Variants in CDHR3 observed in about 807,000 individuals in gnomAD.
CDHR3 encodes the protein cadherin related family member 3, also known as cadherin-related family member 3.
A neutral mutation model predicts 86.6 loss-of-function variants in CDHR3; 79 were observed. The ratio of observed to expected loss-of-function variants is 0.91; its 90% confidence interval spans 0.76 to 1.10. CDHR3 has a LOEUF of 1.10. Among genes scored for constraint, CDHR3 ranks in the 50% least tolerant of loss-of-function variants. CDHR3 has a pLI of 0.00. For missense variants in CDHR3, 1,081 were observed against 1,077.6 expected (o/e 1.00, Z -0.04); for synonymous variants, 421 against 402.4 (o/e 1.05, Z -0.55).
chr7:106,001,872 G>T (rs889479488), intron 7 of CDHR3, among the ~76,000 whole-genome samples: 5 of 152,144 alleles, frequency 3.3e-5, no homozygotes, highest in Non-Finnish European at 7.3e-5. Context: ...ATTGTTTAGG[G>T]AATAATGACA....
intron 14 of CDHR3, 74 bp from the exon 15 acceptor site, chr7:106,024,307 T>G: frequency 1.5e-6 from 2 of 1,319,766 alleles, no homozygotes; most frequent in Admixed American, 1.9e-5. Context: ...GAATAAACAC[T>G]CAACACGAGA....
chr7:106,026,634 G>A (rs775896438), intron 15 of CDHR3, 48 bp from the exon 16 acceptor site: 11 of 1,606,334 alleles, frequency 6.8e-6, no homozygotes, highest in Non-Finnish European at 8.5e-6. Context: ...GTGTGCCAGT[G>A]CAGCATACTT....
At chr7:106,028,916 T>TTTTCTTTCTTTCTTTCTTTCTTTTTTTC (rs1837802682) in intron 17 of CDHR3, among the ~76,000 whole-genome samples, 7 of 82,998 alleles carry the variant, frequency 8.4e-5, no homozygotes, top group African/African-American at 3.0e-4. Context: ...GAGATTTAAA[T>TTTTCTTTCTTTCTTTCTTTCTTTTTTTC]TTTCTTTCTT....
At chr7:105,978,514 G>A (rs1019270109) in intron 2 of CDHR3, among the ~76,000 whole-genome samples, 1 of 152,090 alleles carries the variant, frequency 6.6e-6, no homozygotes, top group Non-Finnish European at 1.5e-5. Context: ...CTGTAGCAAG[G>A]TTGCCCACAA....
intron 2 of CDHR3, among the ~76,000 whole-genome samples, chr7:105,975,435 C>A (rs1828657713): frequency 6.6e-6 from 1 of 152,164 alleles, no homozygotes; most frequent in Admixed American, 6.5e-5. Flanking sequence ...ATTCTGCTTT[C>A]CTATGAGTCT....
rs1838620284 is a variant in CDHR3 at position 106,033,109 on chromosome 7, A to G, written c.*412A>G. ...CACCTTATTTTCCTGCCCTCGTTTT[A>G]ACATCACCCAGATTTCTTCAGTTAT... On this transcript the variant is annotated 3_prime_UTR_variant, in exon 19 of 19. Transcript: ENST00000317716. The G allele has an allele frequency of 5.9e-6, 1 of 169,468 alleles. No homozygotes were observed. The allele number at this position is 169,468 out of a possible 1,614,324, so 10.5% of individuals were successfully genotyped here.
intron 14 of CDHR3, 24 bp from the exon 15 acceptor site, chr7:106,024,357 C>T (rs1204709793): frequency 1.2e-6 from 2 of 1,609,282 alleles, no homozygotes; most frequent in Non-Finnish European, 1.7e-6. Flanking sequence ...CTCTACTCAC[C>T]CTCCCTGCTC....
At chr7:106,000,693 G>T (rs1029610179) in intron 6 of CDHR3, among the ~76,000 whole-genome samples, 6 of 152,214 alleles carry the variant, frequency 3.9e-5, no homozygotes, top group Admixed American at 3.3e-4. Flanking sequence ...CAACCTATCA[G>T]TCTCATTACT....
intron 12 of CDHR3, among the ~76,000 whole-genome samples, chr7:106,018,583 A>G (rs951397654): frequency 1.3e-5 from 2 of 152,114 alleles, no homozygotes; most frequent in African/African-American, 2.4e-5. Flanking sequence ...CAAAAGCACT[A>G]AAGTTGTTGG....
At chr7:106,022,534 G>C (rs1344644792) in intron 14 of CDHR3, 86 bp downstream of exon 14, 7 of 1,534,976 alleles carry the variant, frequency 4.6e-6, no homozygotes, top group Non-Finnish European at 4.4e-6. Context: ...GGAGGTATGT[G>C]GGGTGGACTG....
At chr7:106,018,302 C>G (rs1835976264) in intron 12 of CDHR3, among the ~76,000 whole-genome samples, 2 of 152,126 alleles carry the variant, frequency 1.3e-5, no homozygotes, top group African/African-American at 4.8e-5. Flanking sequence ...AGTGGTGTAA[C>G]CTTGGCTCAC....
Position 106,014,978 on chromosome 7 carries a change from T to G in CDHR3, c.1225-133T>G, listed in dbSNP as rs1835358185. 30 of 645,440 alleles carry G rather than the reference T, an allele frequency of 4.6e-5. 1 individual carries two copies. In the South Asian group the frequency reaches 6.4e-4, roughly 14 times the overall value. 40.0% of individuals were successfully genotyped at this position (645,440 alleles called of 1,614,324 possible). A position where few individuals can be genotyped will look rare whatever the true frequency, so the allele number is the denominator to read the frequency against. On this transcript the variant is annotated intron_variant, in intron 9 of 18. Transcript: ENST00000317716. ...TCATAACTTTTTAAAGCTCCTAATTTTTATGGGCAAAGTGTTTGCCAAAAG... is the reference window on the plus strand; with the variant it reads ...TCATAACTTTTTAAAGCTCCTAATTGTTATGGGCAAAGTGTTTGCCAAAAG...
intron 17 of CDHR3, among the ~76,000 whole-genome samples, chr7:106,028,932 C>CTT (rs748343619): frequency 0.017 from 1,978 of 116,066 alleles, 63 homozygotes; most frequent in Non-Finnish European, 0.02. Flanking sequence ...TTCTTTCTTT[C>CTT]TTTCTTTCTT....
chr7:106,028,936 CTTTCTTTCTT>C lies in CDHR3; in HGVS notation c.2304+356_2304+365del, dbSNP rs1366126253. Among the ~76,000 whole-genome samples the C allele has an allele frequency of 2.5e-4, 26 of 102,600 alleles. 1 individual carries two copies. The highest frequency in any genetic ancestry group is 9.4e-4 in the African/African-American group (25 of 26,604). The allele number at this position is 102,600 out of a possible 152,430, so 67.3% of individuals were successfully genotyped here. A position where few individuals can be genotyped will look rare whatever the true frequency, so the allele number is the denominator to read the frequency against. ...TTAAATTTTCTTTCTTTCTTTCTTT[CTTTCTTTCTT>C]TCTTTCTTTCTTTCTTTCTTTCTTT... On this transcript the variant is annotated intron_variant, in intron 17 of 18. Coordinates refer to ENST00000317716, the MANE Select transcript of CDHR3 (RefSeq NM_152750.5).
chr7:105,966,619 G>A (rs1414321980), intron 1 of CDHR3, among the ~76,000 whole-genome samples: 1 of 152,132 alleles, frequency 6.6e-6, no homozygotes, highest in Non-Finnish European at 1.5e-5. Context: ...TATGTATCAG[G>A]CCCAAAGAGT....
chr7:106,011,878 C>A (rs921662312), intron 8 of CDHR3, among the ~76,000 whole-genome samples: 3 of 152,138 alleles, frequency 2.0e-5, no homozygotes, highest in Admixed American at 1.3e-4. Flanking sequence ...TCAAGACCCC[C>A]GAATTTGATC....
chr7:106,016,705 C>T (rs940302966), intron 11 of CDHR3, among the ~76,000 whole-genome samples: 4 of 152,188 alleles, frequency 2.6e-5, no homozygotes, highest in African/African-American at 7.2e-5. Context: ...AAAACCAAAA[C>T]GCTCCCTCTA....
In CDHR3 at chr7:106,032,996, AC is replaced by A. The variant is rs375667134; in HGVS notation, c.*300del. The A allele has an allele frequency of 1.4e-3, 509 of 363,714 alleles. 2 individuals carry two copies. The highest frequency in any genetic ancestry group is 3.8e-3 in the Middle Eastern group (5 of 1,314). 22.5% of individuals were successfully genotyped at this position (363,714 alleles called of 1,614,324 possible). On this transcript the variant is annotated 3_prime_UTR_variant, in exon 19 of 19. Coordinates refer to ENST00000317716, the MANE Select transcript of CDHR3 (RefSeq NM_152750.5). ...ATTGTTGTGTTTCTTCTTTGCATTGACTGCTAGGAAGCTCTATTCTGTTCAC... is the reference window on the plus strand; with the variant it reads ...ATTGTTGTGTTTCTTCTTTGCATTGATGCTAGGAAGCTCTATTCTGTTCAC...
chr7:106,024,363 T>C lies in CDHR3; in HGVS notation c.2077-18T>C. The C allele has an allele frequency of 6.2e-7, 1 of 1,612,668 alleles. No homozygotes were observed. The highest frequency in any genetic ancestry group is 8.5e-7 in the Non-Finnish European group (1 of 1,178,882). On this transcript the variant is annotated intron_variant, in intron 14 of 18. Coordinates refer to ENST00000317716, the MANE Select transcript of CDHR3 (RefSeq NM_152750.5). ...ACTACCACCCTCTACTCACCCTCCC[T>C]GCTCTCTGTTGTTCAAGCCCAGGGT...
Sources: allele counts gnomAD v4.1 joint callset (sites outside exome capture counted in the v4.1 genomes callset), GRCh38; gene constraint gnomAD v4.1.1; transcripts MANE v1.5; gene names NCBI Gene and HGNC (gene_info 2026-07-23, HGNC 2026-07-21).